Variants in TINAG observed in about 807,000 individuals in gnomAD.
TINAG encodes the protein tubulointerstitial nephritis antigen.
A neutral mutation model predicts 72.7 loss-of-function variants in TINAG; 83 were observed. The observed-to-expected ratio is 1.14, with a 90% CI of 0.96 to 1.37. The LOEUF (loss-of-function observed/expected upper bound fraction) is 1.37, where lower values mean the gene tolerates loss of function less well. TINAG is among the 40% of genes most tolerant of loss of function. TINAG has a pLI of 0.00. For synonymous variants in TINAG, 234 were observed against 189.9 expected (o/e 1.23, Z -1.91); for missense variants, 685 against 576.6 (o/e 1.19, Z -1.93).
At chr6:54,361,845 G>A (rs970135884) in intron 9 of TINAG, among the ~76,000 whole-genome samples, 13 of 151,646 alleles carry the variant, frequency 8.6e-5, no homozygotes, top group Middle Eastern at 3.2e-3. Flanking sequence ...CAGCCTTATT[G>A]CTGAAATAGA....
chr6:54,385,094 T>G (rs1454438453), intron 10 of TINAG, among the ~76,000 whole-genome samples: 1 of 151,810 alleles, frequency 6.6e-6, no homozygotes, highest in African/African-American at 2.4e-5. Flanking sequence ...TTTAAAAGGT[T>G]GAAAAGAATA....
In TINAG at chr6:54,378,443, T is replaced by C. The variant is rs568968856; in HGVS notation, c.1251-2083T>C. 7.9e-5 allele frequency among the ~76,000 whole-genome samples: 12 copies of C among 152,272 alleles called. No homozygotes were observed. In the East Asian group the frequency reaches 2.1e-3, roughly 27 times the overall value. ...GTCTTAAAATTATATATAATAAACA[T>C]GTTTCTTGAAAAGAAACTTACAGCA... On this transcript the variant is annotated intron_variant, in intron 9 of 10. Transcript: ENST00000259782.
chr6:54,325,494 GTA>G (rs1400420731), intron 3 of TINAG, among the ~76,000 whole-genome samples: 1 of 152,102 alleles, frequency 6.6e-6, no homozygotes, highest in African/African-American at 2.4e-5. Context: ...TTGTGATCTA[GTA>G]CACACACACG....
At chr6:54,351,478 T>C in intron 8 of TINAG, 81 bp downstream of exon 8, 4 of 1,339,742 alleles carry the variant, frequency 3.0e-6, no homozygotes, top group Non-Finnish European at 4.1e-6. Context: ...AATAGGAGTT[T>C]AATAAAATAA....
chr6:54,371,879 G>A (rs1200385061), intron 9 of TINAG, among the ~76,000 whole-genome samples: 2 of 150,240 alleles, frequency 1.3e-5, no homozygotes, highest in Non-Finnish European at 3.0e-5. Context: ...TAGGGAAGGT[G>A]ATTACAGTCA....
chr6:54,380,630 T>C (rs1763918617), intron 10 of TINAG, 59 bp downstream of exon 10: 2 of 1,367,542 alleles, frequency 1.5e-6, no homozygotes, highest in Admixed American at 1.7e-5. Context: ...AAATCTTCTG[T>C]TCCTCTGCTA....
At chr6:54,387,122 G>A (rs1300142993) in intron 10 of TINAG, among the ~76,000 whole-genome samples, 1 of 152,016 alleles carries the variant, frequency 6.6e-6, no homozygotes, top group African/African-American at 2.4e-5. Flanking sequence ...AAGAAAAGGG[G>A]AAATCCAAAT....
intron 4 of TINAG, among the ~76,000 whole-genome samples, chr6:54,340,507 C>T (rs1784971952): frequency 6.6e-6 from 1 of 151,838 alleles, no homozygotes; most frequent in Non-Finnish European, 1.5e-5. Flanking sequence ...AAACTCTAAA[C>T]AATTTACTTT....
intron 4 of TINAG, 185 bp downstream of exon 4, chr6:54,327,101 T>G: frequency 6.5e-7 from 1 of 1,547,840 alleles, no homozygotes; most frequent in Non-Finnish European, 8.7e-7. Context: ...ATATGAGATT[T>G]GCAAGTTTAC....
chr6:54,309,436 C>T (rs2150925253), intron 1 of TINAG, among the ~76,000 whole-genome samples: 1 of 152,184 alleles, frequency 6.6e-6, no homozygotes, highest in East Asian at 1.9e-4. Context: ...TAAGTAATAC[C>T]AAATGTATTC....
intron 10 of TINAG, among the ~76,000 whole-genome samples, chr6:54,387,821 A>G (rs1341710102): frequency 6.6e-6 from 1 of 152,192 alleles, no homozygotes; most frequent in Non-Finnish European, 1.5e-5. Context: ...TTTGGAAGAA[A>G]CAAACAAAAT....
chr6:54,311,811 T>A (rs1415235187), intron 1 of TINAG, among the ~76,000 whole-genome samples: 10 of 152,116 alleles, frequency 6.6e-5, no homozygotes, highest in Non-Finnish European at 1.5e-5. Flanking sequence ...TTTGAATAAG[T>A]TTTTTTAGTT....
intron 8 of TINAG, among the ~76,000 whole-genome samples, chr6:54,353,650 CA>C (rs990891869): frequency 7.9e-5 from 12 of 151,788 alleles, no homozygotes; most frequent in Non-Finnish European, 1.3e-4. Context: ...AAAAATGAAA[CA>C]AAAACTGGAA....
At chr6:54,359,496 G>T (rs1763158833) in intron 9 of TINAG, among the ~76,000 whole-genome samples, 1 of 151,712 alleles carries the variant, frequency 6.6e-6, no homozygotes. Context: ...TATTGGTCAT[G>T]TTTTCTTTTC....
intron 4 of TINAG, among the ~76,000 whole-genome samples, chr6:54,335,817 TA>T (rs1784852758): frequency 6.6e-6 from 1 of 152,072 alleles, no homozygotes; most frequent in African/African-American, 2.4e-5. Context: ...CCCCAACTTT[TA>T]AAAAATCATT....
intron 4 of TINAG, among the ~76,000 whole-genome samples, chr6:54,332,013 A>G (rs1286680965): frequency 6.6e-6 from 1 of 152,238 alleles, no homozygotes; most frequent in Non-Finnish European, 1.5e-5. Context: ...GGATAGGAAG[A>G]ATCAACATTG....
chr6:54,324,684 C>T (rs1402433732), intron 3 of TINAG, among the ~76,000 whole-genome samples: 1 of 152,198 alleles, frequency 6.6e-6, no homozygotes, highest in Non-Finnish European at 1.5e-5. Context: ...ATCTGCTCAA[C>T]TTGAAAATTT....
chr6:54,332,349 C>T (rs991367710), intron 4 of TINAG, among the ~76,000 whole-genome samples: 9 of 152,042 alleles, frequency 5.9e-5, no homozygotes, highest in Non-Finnish European at 4.4e-5. Flanking sequence ...ACAAACCTGA[C>T]AAAAACAAAC....
At position 54,331,952 on chromosome 6, in the gene TINAG, A is replaced by C. The variant is rs1029500860; in HGVS notation, c.624+5036A>C. On this transcript the variant is annotated intron_variant, in intron 4 of 10. Transcript: ENST00000259782. ...GAACTACAAACCACTGCTCAAGAAA[A>C]TAAGAGAAGACATAAACAAATGCAA... Among the ~76,000 whole-genome samples the C allele has an allele frequency of 1.5e-4, 23 of 152,210 alleles. 1 individual carries two copies. The highest frequency in any genetic ancestry group is 1.5e-3 in the Admixed American group (23 of 15,274).
Sources: allele counts gnomAD v4.1 joint callset (sites outside exome capture counted in the v4.1 genomes callset), GRCh38; gene constraint gnomAD v4.1.1; transcripts MANE v1.5; gene names NCBI Gene and HGNC (gene_info 2026-07-23, HGNC 2026-07-21).